GRK5: variants seen among roughly 807,000 people sequenced by gnomAD.
The protein encoded by GRK5 is g protein-coupled receptor kinase GRK5.
A neutral mutation model predicts 78.4 loss-of-function variants in GRK5; 40 were observed. The observed-to-expected ratio is 0.51, with a 90% CI of 0.40 to 0.66. GRK5 has a LOEUF of 0.66. GRK5 is among the 30% of genes least tolerant of loss of function. GRK5 has a pLI of 0.00. For synonymous variants in GRK5, 289 were observed against 296.8 expected, an observed-to-expected ratio of 0.97 and a Z score of 0.27; for missense variants, 598 against 759.9, an observed-to-expected ratio of 0.79 and a Z score of 2.50.
intron 1 of GRK5, among the ~76,000 whole-genome samples, chr10:119,248,079 A>C (rs566489423): frequency 6.6e-6 from 1 of 152,292 alleles, no homozygotes; most frequent in South Asian, 2.1e-4. Flanking sequence ...TGGTGTGATC[A>C]TAGCTCACTG....
chr10:119,373,646 G>A (rs1851580861), intron 2 of GRK5, among the ~76,000 whole-genome samples: 1 of 152,106 alleles, frequency 6.6e-6, no homozygotes, highest in African/African-American at 2.4e-5. Context: ...AATATAGTAG[G>A]TCTGAAGTGG....
intron 2 of GRK5, among the ~76,000 whole-genome samples, chr10:119,329,437 T>C (rs1377990709): frequency 6.6e-6 from 1 of 152,106 alleles, no homozygotes; most frequent in Non-Finnish European, 1.5e-5. Context: ...GCAGTGAGCT[T>C]CCTGGGTTTC....
intron 5 of GRK5, among the ~76,000 whole-genome samples, chr10:119,424,522 G>A (rs920291529): frequency 1.3e-5 from 2 of 152,182 alleles, no homozygotes; most frequent in African/African-American, 4.8e-5. Context: ...ATCCAGAGCT[G>A]CGGTTCTGAG....
At position 119,236,503 on chromosome 10, in the gene GRK5, T is replaced by C. The variant is rs549174185; in HGVS notation, c.52+28534T>C. Reference sequence around the variant, plus strand: ...TGCTGGGATTACAGGCGTGAGCCACTGCGCCTGGCCCCTACACACTATTTT... The same window carrying C: ...TGCTGGGATTACAGGCGTGAGCCACCGCGCCTGGCCCCTACACACTATTTT... On this transcript the variant is annotated intron_variant, in intron 1 of 15. Coordinates refer to ENST00000392870, the MANE Select transcript of GRK5 (RefSeq NM_005308.3). 7.2e-5 allele frequency among the ~76,000 whole-genome samples: 11 copies of C among 152,258 alleles called. No individual in the cohort carries two copies. In the East Asian group the frequency reaches 1.7e-3, roughly 24 times the overall value.
rs766824009 is a variant in GRK5 at position 119,431,504 on chromosome 10, G to A, written c.715G>A (p.Glu239Lys). The A allele has an allele frequency of 3.1e-6, 5 of 1,613,782 alleles. No homozygotes were observed. The South Asian group carries it at 4.4e-5, about 14-fold the overall frequency. ...GGCCCTCAATGAGAAGCAGATCCTC[G>A]AGAAGGTCAACAGTCAGTTTGTGGT... ...SMALNEKQIL[E>K]KVNSQFVVNL... The change falls in exon 8 of 16, where the codon GAG becomes AAG. Residue 239 changes from glutamate (E) to lysine (K), a missense_variant. By Grantham distance (56) the Glu-to-Lys change is moderately conservative (BLOSUM62 1). Coordinates refer to ENST00000392870, the MANE Select transcript of GRK5 (RefSeq NM_005308.3). The surrounding 1 kb of genome is among the most constrained non-coding windows in gnomAD (Gnocchi z 4.8).
intron 1 of GRK5, among the ~76,000 whole-genome samples, chr10:119,300,120 C>T (rs1169030191): frequency 6.6e-6 from 1 of 152,078 alleles, no homozygotes; most frequent in Non-Finnish European, 1.5e-5. Flanking sequence ...AAATGTTGTT[C>T]TCCCTAAAGA....
At chr10:119,356,914 C>T (rs1470950946) in intron 2 of GRK5, among the ~76,000 whole-genome samples, 2 of 152,246 alleles carry the variant, frequency 1.3e-5, no homozygotes, top group East Asian at 1.9e-4. Context: ...GCTGTGCCAG[C>T]CCTCTCTTTA....
chr10:119,454,932 G>A, intron 15 of GRK5, 37 bp from the exon 16 acceptor site: 1 of 1,403,638 alleles, frequency 7.1e-7, no homozygotes, highest in Non-Finnish European at 1.0e-6. Context: ...ACTGACTTCT[G>A]TTCTCTCCAC....
In GRK5 at chr10:119,413,753, A is replaced by G. The variant is rs370937626; in HGVS notation, c.340-9413A>G. Among the ~76,000 whole-genome samples the G allele has an allele frequency of 3.3e-5, 5 of 152,114 alleles. No homozygotes were observed. In the East Asian group the frequency reaches 9.7e-4, roughly 29 times the overall value. On this transcript the variant is annotated intron_variant, in intron 4 of 15. Transcript: ENST00000392870. Reference sequence around the variant, plus strand: ...TGTTGTTCTGGAGAGCAACAGGAGTAAAAATTTATGAGAAAACCCACATCA... The same window carrying G: ...TGTTGTTCTGGAGAGCAACAGGAGTGAAAATTTATGAGAAAACCCACATCA...
chr10:119,317,653 C>G (rs895535844), intron 1 of GRK5, among the ~76,000 whole-genome samples: 1 of 152,164 alleles, frequency 6.6e-6, no homozygotes, highest in Non-Finnish European at 1.5e-5. Context: ...GAATGCCTGA[C>G]TCAAGTCAGG....
chr10:119,361,984 A>G (rs896968723), intron 2 of GRK5, among the ~76,000 whole-genome samples: 16 of 103,744 alleles, frequency 1.5e-4, no homozygotes, highest in African/African-American at 6.2e-4. Context: ...AAAAAAAAAA[A>G]AAAAAAGAAT....
chr10:119,319,273 C>G (rs756702552), intron 1 of GRK5, among the ~76,000 whole-genome samples: 1 of 152,218 alleles, frequency 6.6e-6, no homozygotes, highest in Non-Finnish European at 1.5e-5. Flanking sequence ...GCAATGCCCT[C>G]CCTAGAGTCT....
Position 119,452,227 on chromosome 10 carries a change from G to A in GRK5, c.1405-444G>A, listed in dbSNP as rs752256811. ...TTGCCGGTAAGGAAACAGGACATAG[G>A]CCTCAGGGGATATGAGACTTCCCCA... On this transcript the variant is annotated intron_variant, in intron 13 of 15. Transcript: ENST00000392870. The surrounding 1 kb of genome is among the most constrained non-coding windows in gnomAD (Gnocchi z 4.4). Among the ~76,000 whole-genome samples the A allele has an allele frequency of 6.6e-6, 1 of 152,240 alleles. No individual in the cohort carries two copies. The highest frequency in any genetic ancestry group is 6.5e-5 in the Admixed American group (1 of 15,288).
chr10:119,412,263 G>A lies in GRK5; in HGVS notation c.340-10903G>A, dbSNP rs1185667833. On this transcript the variant is annotated intron_variant, in intron 4 of 15. Coordinates refer to ENST00000392870, the MANE Select transcript of GRK5 (RefSeq NM_005308.3). This position sits in a 1 kb window ranked among gnomAD's most constrained non-coding sequence, Gnocchi z 4.3. The stretch of plus-strand genomic sequence containing the variant: ...AGAGCCTTCCAGCCTCGATCACAAG[G>A]ACCTCTACCCACAGGCTGCCGGTCC... Among the ~76,000 whole-genome samples, 3 of 152,212 alleles carry A rather than the reference G, an allele frequency of 2.0e-5. No homozygotes were observed. The highest frequency in any genetic ancestry group is 4.4e-5 in the Non-Finnish European group (3 of 68,034).
chr10:119,426,594 C>T (rs989160397), intron 6 of GRK5, among the ~76,000 whole-genome samples: 1 of 152,206 alleles, frequency 6.6e-6, no homozygotes, highest in Non-Finnish European at 1.5e-5. Context: ...CCTGCTGGAA[C>T]AAGGCAGGTG....
At chr10:119,212,933 G>A (rs541071624) in intron 1 of GRK5, 1 of 152,372 alleles carries the variant, frequency 6.6e-6, no homozygotes, top group African/African-American at 2.4e-5. Flanking sequence ...AGGAGTACTG[G>A]TCTGGAGCGA....
In GRK5 at chr10:119,451,238, T is replaced by C. The variant is rs983979809; in HGVS notation, c.1405-1433T>C. Among the ~76,000 whole-genome samples, 3 of 151,754 alleles carry C rather than the reference T, an allele frequency of 2.0e-5. No individual in the cohort carries two copies. In the South Asian group the frequency reaches 6.3e-4, roughly 32 times the overall value. Reference sequence around the variant, plus strand: ...AGTGACATCATCTTTTTCACTTCCATTGACTCTTTTTTTAAAATAAAAATC... The same window carrying C: ...AGTGACATCATCTTTTTCACTTCCACTGACTCTTTTTTTAAAATAAAAATC... On this transcript the variant is annotated intron_variant, in intron 13 of 15. Coordinates refer to ENST00000392870, the MANE Select transcript of GRK5 (RefSeq NM_005308.3).
chr10:119,240,102 C>T (rs950423098), intron 1 of GRK5, among the ~76,000 whole-genome samples: 11 of 151,946 alleles, frequency 7.2e-5, no homozygotes, highest in Non-Finnish European at 1.2e-4. Flanking sequence ...ACATTGTCTT[C>T]CACAATGGTA....
chr10:119,266,919 C>T (rs1342735064), intron 1 of GRK5, among the ~76,000 whole-genome samples: 2 of 151,874 alleles, frequency 1.3e-5, no homozygotes, highest in African/African-American at 4.8e-5. Flanking sequence ...GCACTGCAGG[C>T]GTGTGCCACC....
Sources: gnomAD v4.1 joint callset for allele counts (sites outside exome capture counted in the v4.1 genomes callset) on GRCh38, gnomAD v4.1.1 for gene constraint, Gnocchi (gnomAD v3.1) non-coding constraint, MANE v1.5 for transcripts, NCBI Gene and HGNC (gene_info 2026-07-23, HGNC 2026-07-21) for gene names.